Variants in SLC2A9 observed in about 807,000 individuals in gnomAD.
SLC2A9 encodes the protein solute carrier family 2, facilitated glucose transporter member 9.
In SLC2A9, 39 loss-of-function variants were observed where a neutral mutation model predicts 50.6. The ratio of observed to expected loss-of-function variants is 0.77; its 90% confidence interval spans 0.60 to 1.01. SLC2A9 has a LOEUF of 1.01. Ranked by LOEUF, SLC2A9 falls within the 50% of genes least tolerant of loss-of-function variation. The pLI is 0.00. For missense variants in SLC2A9, 686 were observed against 677.6 expected, an observed-to-expected ratio of 1.01 and a Z score of -0.14; for synonymous variants, 324 against 276.9, an observed-to-expected ratio of 1.17 and a Z score of -1.69.
At chr4:9,882,712 A>AG in intron 10 of SLC2A9, among the ~76,000 whole-genome samples, 1 of 29,458 alleles carries the variant, frequency 3.4e-5, no homozygotes, top group African/African-American at 6.4e-5. Context: ...CTGTCTCAAG[A>AG]AAAAAAAAAA....
intron 10 of SLC2A9, among the ~76,000 whole-genome samples, chr4:9,874,942 AGC>A (rs1734055859): frequency 3.5e-5 from 5 of 142,308 alleles, no homozygotes; most frequent in African/African-American, 8.0e-5. Context: ...GCCATAGGTT[AGC>A]GTCTGTCTAA....
At chr4:9,943,852 C>G (rs553237280) in intron 5 of SLC2A9, among the ~76,000 whole-genome samples, 1 of 152,214 alleles carries the variant, frequency 6.6e-6, no homozygotes, top group African/African-American at 2.4e-5. Flanking sequence ...TACCACGTGC[C>G]GGATGTGATG....
chr4:9,811,233 G>A (rs571124568), intron 3 of SLC2A9, among the ~76,000 whole-genome samples: 12 of 152,304 alleles, frequency 7.9e-5, no homozygotes, highest in South Asian at 4.1e-4. Flanking sequence ...AAAGCTGGCC[G>A]TAGTAACTCC....
chr4:9,810,206 G>A (rs559246269), intron 3 of SLC2A9, among the ~76,000 whole-genome samples: 6 of 152,138 alleles, frequency 3.9e-5, no homozygotes, highest in Admixed American at 2.6e-4. Context: ...GTCCAACACC[G>A]AGAACATTAC....
At chr4:9,815,138 T>A (rs927886079) in intron 3 of SLC2A9, among the ~76,000 whole-genome samples, 7 of 152,172 alleles carry the variant, frequency 4.6e-5, no homozygotes, top group Non-Finnish European at 1.0e-4. Context: ...AAAATATTTA[T>A]GCAAACTTGA....
At chr4:9,801,762 C>T (rs949684593) in intron 3 of SLC2A9, among the ~76,000 whole-genome samples, 2 of 152,164 alleles carry the variant, frequency 1.3e-5, no homozygotes, top group African/African-American at 4.8e-5. Flanking sequence ...ATCTCCTGCA[C>T]GTGGTGAATC....
At chr4:10,003,520 A>T (rs957024451) in intron 2 of SLC2A9, among the ~76,000 whole-genome samples, 4 of 152,198 alleles carry the variant, frequency 2.6e-5, no homozygotes, top group African/African-American at 9.6e-5. Context: ...TGCATAGCCT[A>T]GGCCCCCTGC....
At chr4:9,873,198 T>C (rs1024009550) in intron 10 of SLC2A9, among the ~76,000 whole-genome samples, 3 of 152,194 alleles carry the variant, frequency 2.0e-5, no homozygotes, top group African/African-American at 7.2e-5. Context: ...AGACTCTATG[T>C]GTGTGCACAT....
At chr4:9,798,447 C>A (rs759489069), downstream of SLC2A9, among the ~76,000 whole-genome samples, 1 of 152,172 alleles carries the variant, frequency 6.6e-6, no homozygotes, top group African/African-American at 2.4e-5. Context: ...TTACTTATAA[C>A]CAAATCATAG....
chr4:9,924,951 C>T (rs929943275), intron 6 of SLC2A9, among the ~76,000 whole-genome samples: 1 of 152,194 alleles, frequency 6.6e-6, no homozygotes, highest in African/African-American at 2.4e-5. Flanking sequence ...CCAGGCTAAT[C>T]CCCAGGAAGA....
intron 5 of SLC2A9, among the ~76,000 whole-genome samples, chr4:9,943,975 C>T (rs1200654969): frequency 1.3e-5 from 2 of 152,226 alleles, no homozygotes; most frequent in Non-Finnish European, 2.9e-5. Flanking sequence ...CTGAGGCCTC[C>T]CAGCCAGGAG....
intron 3 of SLC2A9, among the ~76,000 whole-genome samples, chr4:9,810,131 G>A (rs1722688449): frequency 1.3e-5 from 2 of 151,982 alleles, no homozygotes; most frequent in African/African-American, 4.8e-5. Context: ...TATTTCCCAT[G>A]TTTCTCCACT....
intron 10 of SLC2A9, among the ~76,000 whole-genome samples, chr4:9,872,130 C>A (rs1447454724): frequency 6.6e-6 from 1 of 152,184 alleles, no homozygotes; most frequent in Non-Finnish European, 1.5e-5. Flanking sequence ...AGTTAGAGAG[C>A]CCTTAATCTG....
Position 9,782,070 on chromosome 4 carries a change from A to G in SLC2A9, n.386-2005T>C. ...AGCAACGGCACCGCGTACCCGGGGC[A>G]GTTCGCTCTATACCAGCAGCTGGCG... On this transcript the variant is annotated intron_variant and non_coding_transcript_variant, in intron 3 of 3. Coordinates refer to the SLC2A9 transcript ENST00000503803. 4.7e-6 allele frequency: 7 copies of G among 1,499,104 alleles called. No individual in the cohort carries two copies. In the South Asian group the frequency reaches 8.2e-5, roughly 17 times the overall value. 92.9% of individuals were successfully genotyped at this position (1,499,104 alleles called of 1,614,324 possible). A position where few individuals can be genotyped will look rare whatever the true frequency, so the allele number is the denominator to read the frequency against.
chr4:9,933,267 T>A (rs927931583), intron 6 of SLC2A9, among the ~76,000 whole-genome samples: 6 of 152,196 alleles, frequency 3.9e-5, no homozygotes, highest in Non-Finnish European at 7.3e-5. Flanking sequence ...AAATTAGAAG[T>A]GAGCCAATGC....
chr4:9,771,496 G>T (rs1191916485), intron 1 of SLC2A9: 3 of 398,738 alleles, frequency 7.5e-6, no homozygotes, highest in Non-Finnish European at 1.3e-5. Context: ...CTGCCAAAGA[G>T]TCTGGGAAGC....
intron 6 of SLC2A9, among the ~76,000 whole-genome samples, chr4:9,930,090 C>A (rs1215627888): frequency 1.3e-5 from 2 of 152,156 alleles, no homozygotes; most frequent in East Asian, 3.9e-4. Flanking sequence ...CCCTTCAGAG[C>A]TTTGGAATGC....
At chr4:9,897,773 G>C (rs754588951) in intron 8 of SLC2A9, among the ~76,000 whole-genome samples, 1 of 151,990 alleles carries the variant, frequency 6.6e-6, no homozygotes, top group Non-Finnish European at 1.5e-5. Context: ...GCCTGTAATC[G>C]CAGCTACACG....
At chr4:9,771,302 C>A (rs867794325) in exon 2 of SLC2A9, 2 of 389,008 alleles carry the variant, frequency 5.1e-6, no homozygotes, top group Non-Finnish European at 9.1e-6. Flanking sequence ...TGGGAGTTTC[C>A]TTCACCTGGT....
Sources: gnomAD v4.1 joint callset for allele counts (sites outside exome capture counted in the v4.1 genomes callset) on GRCh38, gnomAD v4.1.1 for gene constraint, MANE v1.5 for transcripts, NCBI Gene and HGNC (gene_info 2026-07-23, HGNC 2026-07-21) for gene names.